OSBPL10: variants seen among roughly 807,000 people sequenced by gnomAD.
OSBPL10 encodes the protein oxysterol binding protein like 10, also known as oxysterol-binding protein-related protein 10.
A neutral mutation model predicts 81.7 loss-of-function variants in OSBPL10; 49 were observed. That is an observed-to-expected ratio of 0.60 (90% CI 0.48 to 0.76). OSBPL10 has a LOEUF of 0.76. Ranked by LOEUF, OSBPL10 falls within the 30% of genes least tolerant of loss-of-function variation. The probability of loss-of-function intolerance (pLI) is 0.00; values close to 1 mark genes in which losing one functional copy is unlikely to be tolerated. For synonymous variants in OSBPL10, 419 were observed against 383.6 expected (o/e 1.09, Z -1.08); for missense variants, 923 against 987.8 (o/e 0.93, Z 0.88).
At chr3:31,897,482 C>A (rs1220325286) in intron 1 of OSBPL10, among the ~76,000 whole-genome samples, 1 of 152,132 alleles carries the variant, frequency 6.6e-6, no homozygotes, top group Non-Finnish European at 1.5e-5. Flanking sequence ...TCTAAAGAAA[C>A]AAGGACCAAG....
chr3:31,998,822 G>A (rs992980791), intron 2 of OSBPL10, among the ~76,000 whole-genome samples: 1 of 152,170 alleles, frequency 6.6e-6, no homozygotes, highest in Non-Finnish European at 1.5e-5. Flanking sequence ...GGCTATGGTA[G>A]ATCTGCACCA....
At chr3:31,730,125 G>A (rs556917237) in intron 6 of OSBPL10, among the ~76,000 whole-genome samples, 9 of 152,242 alleles carry the variant, frequency 5.9e-5, no homozygotes, top group South Asian at 2.1e-4. Context: ...GGCAGATCAC[G>A]AGGTCAGGAG....
At chr3:32,075,567 A>G (rs1318501037) in intron 1 of OSBPL10, among the ~76,000 whole-genome samples, 1 of 152,130 alleles carries the variant, frequency 6.6e-6, no homozygotes, top group Non-Finnish European at 1.5e-5. Context: ...CCTCCTTCTA[A>G]GAAACCCACA....
intron 2 of OSBPL10, among the ~76,000 whole-genome samples, chr3:32,031,602 C>T (rs1441967249): frequency 1.3e-5 from 2 of 152,090 alleles, no homozygotes; most frequent in African/African-American, 4.8e-5. Context: ...GCTGGGACTA[C>T]AGGCATACGC....
At chr3:31,859,447 A>G (rs1196021884) in intron 3 of OSBPL10, among the ~76,000 whole-genome samples, 4 of 152,216 alleles carry the variant, frequency 2.6e-5, no homozygotes, top group Admixed American at 1.3e-4. Flanking sequence ...ACTGGTAAAC[A>G]TAAGTTTCAA....
intron 8 of OSBPL10, among the ~76,000 whole-genome samples, chr3:31,678,254 A>C (rs1292699168): frequency 6.6e-6 from 1 of 152,206 alleles, no homozygotes. Flanking sequence ...GGCTTAAGTG[A>C]AACGGCTAGA....
At chr3:31,851,282 T>A (rs1700757489) in intron 3 of OSBPL10, among the ~76,000 whole-genome samples, 1 of 152,130 alleles carries the variant, frequency 6.6e-6, no homozygotes, top group African/African-American at 2.4e-5. Context: ...TGTCGAGAAG[T>A]CCTAAGAGAG....
In OSBPL10 at chr3:31,702,503, G is replaced by A. The variant is rs200876986; in HGVS notation, c.1101C>T (p.Asn367=). 15 of 1,614,072 alleles carry A rather than the reference G, an allele frequency of 9.3e-6. No homozygotes were observed. In the African/African-American group the frequency reaches 1.3e-4, roughly 14 times the overall value. The change falls in exon 7 of 12, where the codon AAC becomes AAT. Residue 367 remains asparagine (N), a synonymous_variant. Transcript: ENST00000396556. ...CAGACAAAACCAATTCAGAGCCTGA[G>A]TTTGGCTAAAATGAAATAATCAATA... ...EQTSQPEPEP[N]SGSELVLSED...
chr3:31,677,434 A>T (rs983573655), intron 8 of OSBPL10, among the ~76,000 whole-genome samples: 6 of 152,196 alleles, frequency 3.9e-5, no homozygotes, highest in African/African-American at 1.4e-4. Flanking sequence ...GCAGGAAAAC[A>T]TCAGGTGAGT....
intron 2 of OSBPL10, among the ~76,000 whole-genome samples, chr3:32,036,823 C>CAA (rs35549518): frequency 0.1 from 14,432 of 142,076 alleles, 1,280 homozygotes; most frequent in East Asian, 0.49. Context: ...ACTCGTGTCT[C>CAA]AAAAAAAAAA....
At chr3:31,853,460 A>G (rs1389170593) in intron 3 of OSBPL10, among the ~76,000 whole-genome samples, 1 of 152,182 alleles carries the variant, frequency 6.6e-6, no homozygotes, top group Non-Finnish European at 1.5e-5. Context: ...AATTTGTACC[A>G]CAGGCAAGAG....
chr3:31,746,730 A>G (rs533149180), intron 5 of OSBPL10, among the ~76,000 whole-genome samples: 2 of 149,826 alleles, frequency 1.3e-5, no homozygotes, highest in African/African-American at 4.9e-5. Context: ...AGGATAAAAA[A>G]CCAAACACCG....
intron 6 of OSBPL10, among the ~76,000 whole-genome samples, chr3:31,727,379 G>T (rs1004960170): frequency 6.7e-6 from 1 of 149,516 alleles, no homozygotes; most frequent in Non-Finnish European, 1.5e-5. Flanking sequence ...TGAATCAAAG[G>T]TCATGATTCA....
chr3:31,994,336 G>A (rs959333034), intron 2 of OSBPL10, among the ~76,000 whole-genome samples: 2 of 152,166 alleles, frequency 1.3e-5, no homozygotes, highest in African/African-American at 2.4e-5. Flanking sequence ...AGAGCTCCAG[G>A]CCTCATAGAA....
intron 4 of OSBPL10, among the ~76,000 whole-genome samples, chr3:31,788,603 A>T (rs117589595): frequency 0.026 from 3,899 of 152,222 alleles, 76 homozygotes; most frequent in Middle Eastern, 0.034. Context: ...AAGCCAAAAG[A>T]AAAAACTCCC....
chr3:31,830,333 C>A (rs1372806420), intron 3 of OSBPL10, 102 bp from the exon 4 acceptor site: 5 of 1,206,714 alleles, frequency 4.1e-6, no homozygotes, highest in Non-Finnish European at 4.6e-6. Flanking sequence ...TCCCCTTCCT[C>A]TCTTTAGGGA....
chr3:32,006,378 A>T (rs1459719698), intron 2 of OSBPL10, among the ~76,000 whole-genome samples: 1 of 152,154 alleles, frequency 6.6e-6, no homozygotes, highest in Non-Finnish European at 1.5e-5. Context: ...ATGATGTAAA[A>T]ATCTCCCTTT....
In OSBPL10 at chr3:31,744,537, C is replaced by CAAAA. The variant is rs58546446; in HGVS notation, c.940+3369_940+3372dup. Among the ~76,000 whole-genome samples the CAAAA allele has an allele frequency of 5.8e-4, 56 of 96,314 alleles. 1 individual carries two copies. Among genetic ancestry groups the CAAAA allele is most frequent in the African/African-American group, 1.6e-3 (41 of 24,992 alleles). The allele number at this position is 96,314 out of a possible 152,430, so 63.2% of individuals were successfully genotyped here. A position where few individuals can be genotyped will look rare whatever the true frequency, so the allele number is the denominator to read the frequency against. On this transcript the variant is annotated intron_variant, in intron 5 of 11. Transcript: ENST00000396556. ...TGGGTGATAGAGCGAGACTCCGTCTCAAAAAAAAAAAAAAGGAAAGAAAGA... is the reference window on the plus strand; with the variant it reads ...TGGGTGATAGAGCGAGACTCCGTCTCAAAAAAAAAAAAAAAAAAGGAAAGAAAGA...
At chr3:31,721,121 C>T (rs910615239) in intron 6 of OSBPL10, among the ~76,000 whole-genome samples, 2 of 152,006 alleles carry the variant, frequency 1.3e-5, no homozygotes, top group African/African-American at 4.8e-5. Context: ...GAAGCAGGGT[C>T]AATGCTGTTG....
Sources: allele counts gnomAD v4.1 joint callset (sites outside exome capture counted in the v4.1 genomes callset), GRCh38; gene constraint gnomAD v4.1.1; transcripts MANE v1.5; gene names NCBI Gene and HGNC (gene_info 2026-07-23, HGNC 2026-07-21).